SLC1A3: variants seen among roughly 807,000 people sequenced by gnomAD.
SLC1A3 encodes excitatory amino acid transporter 1.
In SLC1A3, 21 loss-of-function variants were observed where a neutral mutation model predicts 48.1. That is an observed-to-expected ratio of 0.44 (90% confidence interval 0.31 to 0.63). SLC1A3 has a LOEUF of 0.63. Ranked by LOEUF, SLC1A3 falls within the 20% of genes least tolerant of loss-of-function variation. The pLI, the probability that SLC1A3 is intolerant of heterozygous loss-of-function variation, is 0.08. For synonymous variants in SLC1A3, 239 were observed against 251.4 expected (o/e 0.95, Z 0.47); for missense variants, 546 against 689.0 (o/e 0.79, Z 2.32).
At chr5:36,685,791 T>C (rs1292697764) in intron 9 of SLC1A3, among the ~76,000 whole-genome samples, 1 of 152,236 alleles carries the variant, frequency 6.6e-6, no homozygotes, top group East Asian at 1.9e-4. Flanking sequence ...ATCTTAGTAT[T>C]ATTATGAGAA....
chr5:36,680,079 C>T (rs1333775792), intron 7 of SLC1A3, among the ~76,000 whole-genome samples: 8 of 152,176 alleles, frequency 5.3e-5, no homozygotes, highest in East Asian at 3.9e-4. Flanking sequence ...TATCCTTTCC[C>T]GTCCACTTCA....
At chr5:36,599,704 C>A (rs1013444352) in intron 1 of SLC1A3, among the ~76,000 whole-genome samples, 1 of 141,158 alleles carries the variant, frequency 7.1e-6, no homozygotes, top group Non-Finnish European at 1.5e-5. Flanking sequence ...AGACGGAGTT[C>A]GCCATGTTGG....
rs1742641969 is a variant in SLC1A3, at chr5:36,686,231, G to A, written c.1591G>A (p.Glu531Lys). ...ATATCAACTGATTGCACAGGACAATGAAACTGAGAAACCCATCGACAGTGA... is the reference window on the plus strand; with the variant it reads ...ATATCAACTGATTGCACAGGACAATAAAACTGAGAAACCCATCGACAGTGA... ...KPYQLIAQDN[E>K]TEKPIDSETK... The change falls in exon 10 of 10, where the codon GAA (glutamate) becomes AAA (lysine). Residue 531 changes from glutamate (E) to lysine (K), a missense_variant. Glu to Lys is a moderately conservative substitution (Grantham distance 56). Coordinates refer to ENST00000265113, the MANE Select transcript of SLC1A3 (RefSeq NM_004172.5). 1 of 1,614,122 alleles carries A rather than the reference G, an allele frequency of 6.2e-7. No homozygotes were observed. Among genetic ancestry groups the A allele is most frequent in the Non-Finnish European group, 8.5e-7 (1 of 1,179,948 alleles).
chr5:36,685,571 C>T lies in SLC1A3; in HGVS notation c.1425-494C>T, dbSNP rs115134900. Among the ~76,000 whole-genome samples, 705 of 152,280 alleles carry T rather than the reference C, an allele frequency of 4.6e-3. 1 individual carries two copies. Among genetic ancestry groups the T allele is most frequent in the Non-Finnish European group, 7.6e-3 (519 of 68,028 alleles). On this transcript the variant is annotated intron_variant, in intron 9 of 9. Coordinates refer to ENST00000265113, the MANE Select transcript of SLC1A3 (RefSeq NM_004172.5). ...GATTACAGGTGTGAGCCACGGTGCC[C>T]GGCCTCGACCCCAATATTTAGTGAA...
intron 3 of SLC1A3, chr5:36,636,503 CTT>C (rs759138321): frequency 0.42 from 32,098 of 77,068 alleles, 3,750 homozygotes; most frequent in Non-Finnish European, 0.46. Flanking sequence ...TTCTTTCTTT[CTT>C]TTTCTTTCTT....
Position 36,686,160 on chromosome 5 carries a change from T to C in SLC1A3, c.1520T>C (p.Val507Ala), listed in dbSNP as rs375611408. ...CGACATGAACTGAAGAACAGAGATGTTGAAATGGGTAACTCAGTGATTGAA... is the reference window on the plus strand; with the variant it reads ...CGACATGAACTGAAGAACAGAGATGCTGAAATGGGTAACTCAGTGATTGAA... ...LSRHELKNRD[V>A]EMGNSVIEEN... The change falls in exon 10 of 10, where the codon GTT (valine) becomes GCT (alanine). Residue 507 changes from valine (V) to alanine (A), a missense_variant. Physicochemically the swap from Val to Ala is moderately conservative, Grantham distance 64 (BLOSUM62 0). Transcript: ENST00000265113. The C allele has an allele frequency of 6.2e-7, 1 of 1,613,910 alleles. No homozygotes were observed. Among genetic ancestry groups the C allele is most frequent in the Non-Finnish European group, 8.5e-7 (1 of 1,179,888 alleles).
At chr5:36,613,879 C>A (rs2111683803) in intron 2 of SLC1A3, among the ~76,000 whole-genome samples, 1 of 152,046 alleles carries the variant, frequency 6.6e-6, no homozygotes, top group South Asian at 2.1e-4. Flanking sequence ...TTTATCTTCT[C>A]CCCTGGGGGA....
At chr5:36,663,535 C>T (rs1382667825) in intron 3 of SLC1A3, among the ~76,000 whole-genome samples, 1 of 151,932 alleles carries the variant, frequency 6.6e-6, no homozygotes, top group African/African-American at 2.4e-5. Context: ...GCCACCGCGC[C>T]CGGCCCTGCA....
intron 2 of SLC1A3, among the ~76,000 whole-genome samples, chr5:36,620,283 G>A (rs12659371): frequency 0.49 from 75,187 of 152,118 alleles, 21,088 homozygotes; most frequent in Admixed American, 0.63. Flanking sequence ...TCTTTCTACA[G>A]CATCACACTT....
At position 36,646,556 on chromosome 5, in the gene SLC1A3, G is replaced by A. The variant is rs531919737; in HGVS notation, c.319+16969G>A. ...TGTGATTTGCTTTTGGTGGCTCAGG[G>A]CCAGCTCTCCAAGGGCAAGCTCCAT... is the stretch of plus-strand genomic sequence containing the variant. On this transcript the variant is annotated intron_variant, in intron 3 of 9. Coordinates refer to ENST00000265113, the MANE Select transcript of SLC1A3 (RefSeq NM_004172.5). 2.6e-5 allele frequency among the ~76,000 whole-genome samples: 4 copies of A among 152,296 alleles called. No homozygotes were observed. The South Asian group carries it at 8.3e-4, about 32-fold the overall frequency.
chr5:36,668,923 G>C (rs1196504871), intron 3 of SLC1A3: 3 of 152,182 alleles, frequency 2.0e-5, no homozygotes, highest in Non-Finnish European at 4.4e-5. Context: ...GCTCTGCCTT[G>C]ACCACTTAGC....
rs535270025 is a variant in SLC1A3, at chr5:36,677,479, A to G, written c.860+295A>G. On this transcript the variant is annotated intron_variant, in intron 6 of 9. Transcript: ENST00000265113. ...TTTTATCTAGTTTTTCATTCAAGAC[A>G]TAATTATTGAGTGTCTACTATATGC... Among the ~76,000 whole-genome samples the G allele has an allele frequency of 8.5e-5, 13 of 152,364 alleles. No individual in the cohort carries two copies. The East Asian group carries it at 2.1e-3, about 25-fold the overall frequency.
intron 2 of SLC1A3, 121 bp from the exon 3 acceptor site, chr5:36,629,329 A>T: frequency 1.2e-6 from 1 of 845,970 alleles, no homozygotes; most frequent in South Asian, 1.5e-5. Flanking sequence ...AGCAGCACAG[A>T]TATTTGCTGC....
chr5:36,599,733 C>G (rs921227473), intron 1 of SLC1A3, among the ~76,000 whole-genome samples: 6 of 151,792 alleles, frequency 4.0e-5, no homozygotes, highest in African/African-American at 1.5e-4. Flanking sequence ...GTCTCGTACT[C>G]CTGACCTTGT....
intron 7 of SLC1A3, 57 bp downstream of exon 7, chr5:36,679,917 C>G (rs2111968853): frequency 8.1e-7 from 1 of 1,241,794 alleles, no homozygotes; most frequent in Admixed American, 1.8e-5. Flanking sequence ...CAGGGCCCCT[C>G]AAGTAGGGTG....
chr5:36,670,765 T>C (rs902986009), intron 3 of SLC1A3: 1 of 535,164 alleles, frequency 1.9e-6, no homozygotes, highest in Non-Finnish European at 3.4e-6. Context: ...GAGAACAGTA[T>C]TGATTTGGCC....
intron 2 of SLC1A3, among the ~76,000 whole-genome samples, chr5:36,623,453 T>G (rs894078096): frequency 6.6e-6 from 1 of 152,180 alleles, no homozygotes; most frequent in Admixed American, 6.5e-5. Flanking sequence ...GAGGATCTGG[T>G]GGCCATAAAG....
chr5:36,666,654 C>G (rs1286906266), intron 3 of SLC1A3, among the ~76,000 whole-genome samples: 2 of 152,202 alleles, frequency 1.3e-5, no homozygotes, highest in Non-Finnish European at 2.9e-5. Context: ...AGAATAAAAT[C>G]CATGCCAATG....
chr5:36,659,697 T>C (rs2111880445), intron 3 of SLC1A3, among the ~76,000 whole-genome samples: 1 of 152,348 alleles, frequency 6.6e-6, no homozygotes, highest in African/African-American at 2.4e-5. Context: ...GATAATTTGA[T>C]GTGTTTTATT....
Sources: gnomAD v4.1 joint callset for allele counts (sites outside exome capture counted in the v4.1 genomes callset) on GRCh38, gnomAD v4.1.1 for gene constraint, MANE v1.5 for transcripts, NCBI Gene and HGNC (gene_info 2026-07-23, HGNC 2026-07-21) for gene names.